Variants in AUTS2 observed in about 807,000 individuals in gnomAD.
AUTS2 encodes autism susceptibility gene 2 protein.
In AUTS2, 17 loss-of-function variants were observed where a neutral mutation model predicts 112.4. The ratio of observed to expected loss-of-function variants is 0.15; its 90% CI spans 0.10 to 0.23. The LOEUF (loss-of-function observed/expected upper bound fraction) is 0.23, where lower values mean the gene tolerates loss of function less well. AUTS2 is among the 10% of genes least tolerant of loss of function. The probability of loss-of-function intolerance (pLI) is 1.00; values close to 1 mark genes in which losing one functional copy is unlikely to be tolerated. For synonymous variants in AUTS2, 751 were observed against 702.7 expected, an observed-to-expected ratio of 1.07 and a Z score of -1.09; for missense variants, 1,510 against 1,701.6, an observed-to-expected ratio of 0.89 and a Z score of 1.98.
At position 70,615,603 on chromosome 7, in the gene AUTS2, T is replaced by TGTTGTTGTTGGA. The variant is rs1323089481; in HGVS notation, c.691-82965_691-82964insTTGTTGTTGGAG. ...TTGTTGTTGTTGTTGTTGTTGTTGT[T>TGTTGTTGTTGGA]GGAAAAGCATTTATTCTCTTTAGGA... is the stretch of plus-strand genomic sequence containing the variant. On this transcript the variant is annotated intron_variant, in intron 5 of 18. Coordinates refer to ENST00000342771, the MANE Select transcript of AUTS2 (RefSeq NM_015570.4). 4.0e-5 allele frequency among the ~76,000 whole-genome samples: 6 copies of TGTTGTTGTTGGA among 148,702 alleles called. No homozygotes were observed. The East Asian group carries it at 5.8e-4, about 14-fold the overall frequency.
At chr7:70,474,845 C>T (rs75802872) in intron 5 of AUTS2, among the ~76,000 whole-genome samples, 1,962 of 152,264 alleles carry the variant, frequency 0.013, 33 homozygotes, top group African/African-American at 0.045. Flanking sequence ...CACTTTATGA[C>T]GGAAGCTGTT....
chr7:70,424,820 CAA>C (rs1026727267), intron 4 of AUTS2, among the ~76,000 whole-genome samples: 8 of 152,068 alleles, frequency 5.3e-5, no homozygotes, highest in African/African-American at 1.9e-4. Flanking sequence ...CTTCTGGGCT[CAA>C]GAGATCATCC....
At chr7:70,577,079 A>C (rs1802202456) in intron 5 of AUTS2, among the ~76,000 whole-genome samples, 1 of 152,230 alleles carries the variant, frequency 6.6e-6, no homozygotes. Flanking sequence ...CTTTTGAATG[A>C]ATGAGTAGAA....
At chr7:69,922,396 G>T (rs141452848) in intron 2 of AUTS2, among the ~76,000 whole-genome samples, 25 of 152,216 alleles carry the variant, frequency 1.6e-4, no homozygotes, top group Non-Finnish European at 3.2e-4. Flanking sequence ...AAAACAGGTA[G>T]CACGAGATTG....
At chr7:70,704,511 AC>A (rs1222845529) in intron 6 of AUTS2, among the ~76,000 whole-genome samples, 1 of 152,244 alleles carries the variant, frequency 6.6e-6, no homozygotes, top group African/African-American at 2.4e-5. Context: ...GGCAATATTG[AC>A]CAAAAAGCTT....
intron 4 of AUTS2, among the ~76,000 whole-genome samples, chr7:70,208,891 G>T (rs146994495): frequency 1.6e-4 from 24 of 152,212 alleles, no homozygotes; most frequent in Non-Finnish European, 3.1e-4. Context: ...CAAAGCAAGA[G>T]AGGAGAGATA....
intron 4 of AUTS2, among the ~76,000 whole-genome samples, chr7:70,294,603 C>A (rs1022613574): frequency 2.0e-5 from 3 of 152,162 alleles, no homozygotes; most frequent in Non-Finnish European, 4.4e-5. Context: ...ATCCAAAATG[C>A]CCTGATGTTC....
chr7:69,972,891 G>A (rs1210704374), intron 2 of AUTS2, among the ~76,000 whole-genome samples: 1 of 152,008 alleles, frequency 6.6e-6, no homozygotes, highest in Non-Finnish European at 1.5e-5. Flanking sequence ...CTTGATTACT[G>A]TAGCTATTCT....
intron 5 of AUTS2, among the ~76,000 whole-genome samples, chr7:70,674,557 T>C (rs1010381427): frequency 1.3e-5 from 2 of 152,242 alleles, no homozygotes; most frequent in African/African-American, 4.8e-5. Context: ...CCAAGTGTTT[T>C]ATCACCTAAC....
At chr7:69,636,195 A>G (rs1420458809) in intron 1 of AUTS2, among the ~76,000 whole-genome samples, 1 of 152,244 alleles carries the variant, frequency 6.6e-6, no homozygotes, top group Non-Finnish European at 1.5e-5. Context: ...GAAAAATTGG[A>G]AGACATAGAT....
At chr7:70,311,018 A>G (rs775300005) in intron 4 of AUTS2, among the ~76,000 whole-genome samples, 34 of 152,208 alleles carry the variant, frequency 2.2e-4, no homozygotes, top group Non-Finnish European at 3.4e-4. Context: ...GTTTAAAAAA[A>G]AGTAAATTTC....
At chr7:69,676,811 TTTC>T (rs1241937830) in intron 1 of AUTS2, among the ~76,000 whole-genome samples, 2 of 88,352 alleles carry the variant, frequency 2.3e-5, no homozygotes, top group Non-Finnish European at 4.7e-5. Flanking sequence ...CTCTGGTTTT[TTTC>T]TTTTTTCTTT....
chr7:70,672,229 C>T (rs1020538100), intron 5 of AUTS2, among the ~76,000 whole-genome samples: 1 of 152,236 alleles, frequency 6.6e-6, no homozygotes. Flanking sequence ...TTGGAAATTA[C>T]AGCGGAAGCT....
chr7:70,457,407 A>G (rs1796784785), intron 5 of AUTS2, among the ~76,000 whole-genome samples: 1 of 151,940 alleles, frequency 6.6e-6, no homozygotes, highest in African/African-American at 2.4e-5. Context: ...CACCTCAGAC[A>G]CGTCCTCTCT....
In AUTS2 at chr7:70,712,013, C is replaced by A. The variant is rs954716713; in HGVS notation, c.742+13393C>A. Among the ~76,000 whole-genome samples the A allele has an allele frequency of 7.6e-4, 97 of 127,820 alleles. 1 individual carries two copies. The highest frequency in any genetic ancestry group is 2.1e-3 in the Admixed American group (24 of 11,258). The allele number at this position is 127,820 out of a possible 152,430, so 83.9% of individuals were successfully genotyped here. A position where few individuals can be genotyped will look rare whatever the true frequency, so the allele number is the denominator to read the frequency against. Reference sequence around the variant, plus strand: ...CATTTTCACTCTGTTCCCTCCACATCTTTTCTTCTTTTTCTTTCCTTTTTT... The same window carrying A: ...CATTTTCACTCTGTTCCCTCCACATATTTTCTTCTTTTTCTTTCCTTTTTT... On this transcript the variant is annotated intron_variant, in intron 6 of 18. Transcript: ENST00000342771.
intron 5 of AUTS2, among the ~76,000 whole-genome samples, chr7:70,663,235 A>C (rs1807164304): frequency 6.6e-6 from 1 of 152,140 alleles, no homozygotes; most frequent in Non-Finnish European, 1.5e-5. Context: ...TCTCTACTAA[A>C]AATACAAAAA....
intron 4 of AUTS2, among the ~76,000 whole-genome samples, chr7:70,280,568 T>G (rs1788168570): frequency 6.6e-6 from 1 of 151,848 alleles, no homozygotes; most frequent in Non-Finnish European, 1.5e-5. Context: ...AGTGCTGGGA[T>G]TACAGGCGTG....
At chr7:70,297,692 C>A (rs1789010320) in intron 4 of AUTS2, among the ~76,000 whole-genome samples, 1 of 152,056 alleles carries the variant, frequency 6.6e-6, no homozygotes, top group Non-Finnish European at 1.5e-5. Flanking sequence ...CCTCAGCCTC[C>A]CAAAGTGTTG....
intron 1 of AUTS2, among the ~76,000 whole-genome samples, chr7:69,634,579 C>T (rs1047107124): frequency 2.6e-5 from 4 of 152,102 alleles, no homozygotes; most frequent in Admixed American, 1.3e-4. Flanking sequence ...GACTTGTAGC[C>T]TTGAAGGAGA....
Sources: allele counts gnomAD v4.1 joint callset (sites outside exome capture counted in the v4.1 genomes callset), GRCh38; gene constraint gnomAD v4.1.1; transcripts MANE v1.5; gene names NCBI Gene and HGNC (gene_info 2026-07-23, HGNC 2026-07-21).